The following KANK1 variants were observed in gnomAD, a reference collection of about 807,000 sequenced individuals.
The protein encoded by KANK1 is KN motif and ankyrin repeat domains 1, also known as KN motif and ankyrin repeat domain-containing protein 1.
KANK1 carries 109 observed loss-of-function variants against 106.2 expected under a neutral mutation model. That is an observed-to-expected ratio of 1.03 (90% confidence interval 0.88 to 1.20). KANK1 has a LOEUF of 1.20. Among genes scored for constraint, KANK1 ranks in the 50% most tolerant of loss-of-function variants. The probability of loss-of-function intolerance (pLI) is 0.00; values close to 1 mark genes in which losing one functional copy is unlikely to be tolerated. For missense variants in KANK1, 2,399 were observed against 1,710.7 expected (o/e 1.40, Z -7.10); for synonymous variants, 873 against 652.2 (o/e 1.34, Z -5.16).
intron 1 of KANK1, among the ~76,000 whole-genome samples, chr9:655,943 G>A (rs757317164): frequency 2.8e-4 from 43 of 152,312 alleles, no homozygotes; most frequent in African/African-American, 1.0e-3. Context: ...CAGGATTCAC[G>A]GAGTTTGAGG....
intron 1 of KANK1, among the ~76,000 whole-genome samples, chr9:623,052 C>G (rs75047007): frequency 1.3e-5 from 2 of 152,080 alleles, no homozygotes. Flanking sequence ...CAAAAACATA[C>G]AAGTGGGACT....
rs751329238 is a variant in KANK1 at position 732,413 on chromosome 9, A to G, written c.3041A>G (p.Asp1014Gly). ...ETTSSDDSSSDESSSSESDDE... is the reference protein window; with the variant it reads ...ETTSSDDSSSGESSSSESDDE... ...ACTTCAAGTGATGATTCCAGCTCAG[A>G]TGAAAGCTCTTCTTCCGAGTCAGAT... is the stretch of plus-strand genomic sequence containing the variant. Residue 1014 changes from aspartate to glycine, a missense_variant, in exon 6 of 12, where the codon GAT becomes GGT. Physicochemically the swap from Asp to Gly is moderately conservative, Grantham distance 94. Coordinates refer to ENST00000382297, the MANE Select transcript of KANK1 (RefSeq NM_015158.5). 1 of 1,614,102 alleles carries G rather than the reference A, an allele frequency of 6.2e-7. No individual in the cohort carries two copies. Among genetic ancestry groups the G allele is most frequent in the Non-Finnish European group, 8.5e-7 (1 of 1,179,964 alleles).
chr9:571,814 C>T (rs1166772867), intron 1 of KANK1, among the ~76,000 whole-genome samples: 1 of 152,116 alleles, frequency 6.6e-6, no homozygotes, highest in African/African-American at 2.4e-5. Flanking sequence ...AAAGGCAGCA[C>T]ATAGATTATT....
At chr9:480,259 G>T (rs974476893) in intron 3 of KANK1, among the ~76,000 whole-genome samples, 1 of 152,232 alleles carries the variant, frequency 6.6e-6, no homozygotes, top group African/African-American at 2.4e-5. Flanking sequence ...GCTGGTTCAT[G>T]CCAGACTCAA....
intron 1 of KANK1, among the ~76,000 whole-genome samples, chr9:573,575 T>A (rs1819765201): frequency 6.7e-6 from 1 of 150,056 alleles, no homozygotes; most frequent in Non-Finnish European, 1.5e-5. Flanking sequence ...CGGTCAAGGA[T>A]TTTTTTTTTA....
intron 1 of KANK1, among the ~76,000 whole-genome samples, chr9:653,390 C>G (rs1007572054): frequency 2.6e-5 from 4 of 151,934 alleles, no homozygotes; most frequent in African/African-American, 7.3e-5. Context: ...GTTTTTAAGG[C>G]CAGAGCAAAA....
intron 1 of KANK1, among the ~76,000 whole-genome samples, chr9:534,938 G>A (rs1017495518): frequency 6.6e-6 from 1 of 152,178 alleles, no homozygotes; most frequent in Admixed American, 6.5e-5. Flanking sequence ...AGGTTGGGCC[G>A]AGGGGAAGCT....
intron 2 of KANK1, among the ~76,000 whole-genome samples, chr9:695,616 G>T (rs960739381): frequency 8.7e-5 from 13 of 148,652 alleles, no homozygotes; most frequent in Non-Finnish European, 1.5e-4. Flanking sequence ...CGTGGGGGGG[G>T]GGGCAAGGTA....
At chr9:545,724 CTTTTTTTTTTTTTTT>C (rs61622402) in intron 1 of KANK1, among the ~76,000 whole-genome samples, 2 of 102,688 alleles carry the variant, frequency 1.9e-5, no homozygotes, top group South Asian at 3.3e-4. Flanking sequence ...TGTACAGAGC[CTTTTTTTTTTTTTTT>C]TTTTTTTTTT....
At chr9:536,280 T>A (rs571029061) in intron 1 of KANK1, among the ~76,000 whole-genome samples, 16 of 152,274 alleles carry the variant, frequency 1.1e-4, no homozygotes, top group African/African-American at 3.4e-4. Flanking sequence ...AGGCAGAGTT[T>A]GCAGTGAGCT....
At chr9:737,375 G>C (rs909480290) in intron 7 of KANK1, among the ~76,000 whole-genome samples, 1 of 152,208 alleles carries the variant, frequency 6.6e-6, no homozygotes, top group African/African-American at 2.4e-5. Context: ...TGGTGCTTCT[G>C]ACATAGGCTG....
chr9:576,886 A>G (rs1251758023), intron 1 of KANK1, among the ~76,000 whole-genome samples: 19 of 152,124 alleles, frequency 1.2e-4, no homozygotes, highest in Non-Finnish European at 1.2e-4. Context: ...TGGTTCCTTC[A>G]GGTGGTTTCT....
upstream of KANK1, among the ~76,000 whole-genome samples, chr9:501,444 C>G (rs769835818): frequency 1.3e-5 from 2 of 152,068 alleles, no homozygotes; most frequent in Non-Finnish European, 2.9e-5. Flanking sequence ...ATAGACCATT[C>G]TATATTTAGA....
intron 8 of KANK1, among the ~76,000 whole-genome samples, chr9:739,857 G>C (rs1397594264): frequency 6.6e-6 from 1 of 150,450 alleles, no homozygotes; most frequent in Non-Finnish European, 1.5e-5. Context: ...AGCAGAGTCC[G>C]CAAAGTCCGA....
At chr9:560,715 C>G (rs1445972160) in intron 1 of KANK1, among the ~76,000 whole-genome samples, 1 of 151,540 alleles carries the variant, frequency 6.6e-6, no homozygotes, top group African/African-American at 2.4e-5. Flanking sequence ...AAAGGTGGAT[C>G]AAATTTGTGT....
chr9:505,309 C>A (rs929080347), intron 1 of KANK1, among the ~76,000 whole-genome samples: 6 of 152,130 alleles, frequency 3.9e-5, no homozygotes, highest in African/African-American at 1.4e-4. Flanking sequence ...TCGCCCTCCG[C>A]CAACTCCGAG....
chr9:481,218 C>T (rs978776819), intron 3 of KANK1, among the ~76,000 whole-genome samples: 18 of 152,064 alleles, frequency 1.2e-4, no homozygotes, highest in African/African-American at 3.4e-4. Context: ...ATGGCTTTCA[C>T]GCTATCATAA....
At chr9:722,021 C>G (rs1829467840) in intron 3 of KANK1, among the ~76,000 whole-genome samples, 1 of 152,218 alleles carries the variant, frequency 6.6e-6, no homozygotes, top group African/African-American at 2.4e-5. Context: ...TTGAAACTGC[C>G]TTTCCAAAAT....
chr9:524,781 T>G (rs921730571), intron 1 of KANK1, among the ~76,000 whole-genome samples: 3 of 151,568 alleles, frequency 2.0e-5, no homozygotes, highest in African/African-American at 4.9e-5. Flanking sequence ...TCTTCCAAAG[T>G]GCTGGGATTA....
Sources: gnomAD v4.1 joint callset for allele counts (sites outside exome capture counted in the v4.1 genomes callset) on GRCh38, gnomAD v4.1.1 for gene constraint, MANE v1.5 for transcripts, NCBI Gene and HGNC (gene_info 2026-07-23, HGNC 2026-07-21) for gene names.